The following MYO18A variants were observed in gnomAD, a reference collection of about 807,000 sequenced individuals.
MYO18A encodes unconventional myosin-XVIIIa.
MYO18A carries 78 observed loss-of-function variants against 235.8 expected under a neutral mutation model. That is an observed-to-expected ratio of 0.33 (90% CI 0.28 to 0.40). MYO18A has a LOEUF of 0.40. Among genes scored for constraint, MYO18A ranks in the 10% least tolerant of loss-of-function variants. MYO18A has a pLI of 1.00. For synonymous variants in MYO18A, 977 were observed against 1,077.8 expected (o/e 0.91, Z 1.83); for missense variants, 2,215 against 2,699.3 (o/e 0.82, Z 3.98).
Position 29,136,191 on chromosome 17 carries a change from T to C in MYO18A, c.1000-13938A>G, listed in dbSNP as rs534149832. Among the ~76,000 whole-genome samples the C allele has an allele frequency of 4.9e-5, 7 of 143,974 alleles. No homozygotes were observed. In the South Asian group the frequency reaches 1.5e-3, roughly 31 times the overall value. The allele number at this position is 143,974 out of a possible 152,430, so 94.5% of individuals were successfully genotyped here. On this transcript the variant is annotated intron_variant, in intron 2 of 41. Transcript: ENST00000527372. ...TTGTAGTGAGCAGAGATCGCAATAC[T>C]GCATGCTCCAGCCTGGGTGACCGAG...
At chr17:29,096,963 G>A (rs1244153530) in intron 27 of MYO18A, 48 bp from the exon 28 acceptor site, 1 of 1,489,864 alleles carries the variant, frequency 6.7e-7, no homozygotes, top group Non-Finnish European at 8.9e-7. Flanking sequence ...AGAAGCATAG[G>A]TGGAGAAGGT....
chr17:29,099,911 G>A, intron 21 of MYO18A, 149 bp from the exon 22 acceptor site: 2 of 1,185,248 alleles, frequency 1.7e-6, no homozygotes, highest in African/African-American at 3.1e-5. Flanking sequence ...TCCAAGAGAG[G>A]AGGGGAGGAG....
intron 2 of MYO18A, among the ~76,000 whole-genome samples, chr17:29,144,779 T>C (rs1330050666): frequency 6.6e-6 from 1 of 152,180 alleles, no homozygotes; most frequent in African/African-American, 2.4e-5. Context: ...TTATACTCAA[T>C]ATGGTGCTCT....
At chr17:29,116,498 G>GGA (rs747713508) in intron 10 of MYO18A, 43 bp from the exon 11 acceptor site, 1 of 1,613,762 alleles carries the variant, frequency 6.2e-7, no homozygotes, top group South Asian at 1.1e-5. Context: ...AAGAAAAACA[G>GGA]TGTGTTAGCA....
At chr17:29,160,180 C>T (rs2068143286) in intron 2 of MYO18A, among the ~76,000 whole-genome samples, 1 of 152,208 alleles carries the variant, frequency 6.6e-6, no homozygotes, top group African/African-American at 2.4e-5. Flanking sequence ...CTAACATAAA[C>T]ATGCTTACCT....
chr17:29,114,080 C>T lies in MYO18A; in HGVS notation c.2529G>A (p.Ala843=), dbSNP rs771860675. The change falls in exon 15 of 42, where the codon GCG becomes GCA. Residue 843 remains alanine (A), a synonymous_variant. Transcript: ENST00000527372. ...CCGTCGGGGGTTCCAAGTCGTCAAA[C>T]GCCAGCTCGATGTTCTCCTGGGAAA... is the stretch of plus-strand genomic sequence containing the variant. ...ERYKEENIEL[A]FDDLEPPTDD... 14 of 1,599,306 alleles carry T rather than the reference C, an allele frequency of 8.8e-6. No homozygotes were observed. The highest frequency in any genetic ancestry group is 4.6e-5 in the East Asian group (2 of 43,938).
At chr17:29,133,745 T>C in intron 2 of MYO18A, 1 of 1,249,950 alleles carries the variant, frequency 8.0e-7, no homozygotes, top group Non-Finnish European at 1.0e-6. Context: ...TGCCTGCAGA[T>C]ACAACATGCC....
rs1238296643 is a variant in MYO18A at position 29,098,131 on chromosome 17, C to T, written c.3964G>A (p.Ala1322Thr). The stretch of plus-strand genomic sequence containing the variant: ...TGCAGTTCCTTCATCTCCTTCTCAG[C>T]CCGGAGCCTCTCTGCTGTCTCCGCG... The part of the protein sequence containing the change: ...LDAETAERLR[A>T]EKEMKELQTQ... Residue 1322 changes from alanine to threonine, a missense_variant, in exon 25 of 42, where the codon GCT becomes ACT. Transcript: ENST00000527372. 1.2e-6 allele frequency: 2 copies of T among 1,613,648 alleles called. No individual in the cohort carries two copies. Among genetic ancestry groups the T allele is most frequent in the South Asian group, 1.1e-5 (1 of 91,094 alleles).
intron 20 of MYO18A, among the ~76,000 whole-genome samples, chr17:29,105,740 C>A (rs1005097276): frequency 1.3e-5 from 2 of 152,178 alleles, no homozygotes; most frequent in Non-Finnish European, 2.9e-5. Flanking sequence ...GACAGGAAGC[C>A]TGGAGTCACG....
intron 2 of MYO18A, among the ~76,000 whole-genome samples, chr17:29,139,438 G>GCATA (rs1195288595): frequency 6.6e-6 from 1 of 152,140 alleles, no homozygotes; most frequent in Non-Finnish European, 1.5e-5. Flanking sequence ...CCACCCCCGG[G>GCATA]CATACTGCCC....
At chr17:29,146,227 C>T (rs1464807989) in intron 2 of MYO18A, among the ~76,000 whole-genome samples, 2 of 151,914 alleles carry the variant, frequency 1.3e-5, no homozygotes, top group East Asian at 3.8e-4. Flanking sequence ...CACTGCACTC[C>T]AGCCCGGGCG....
chr17:29,127,975 G>A, intron 2 of MYO18A: 1 of 1,004,098 alleles, frequency 1.0e-6, no homozygotes, highest in Non-Finnish European at 1.2e-6. Context: ...GCTTCTTTGG[G>A]GCTTCAGGCT....
intron 34 of MYO18A, among the ~76,000 whole-genome samples, chr17:29,092,042 A>C (rs1224805451): frequency 6.6e-6 from 1 of 152,208 alleles, no homozygotes; most frequent in African/African-American, 2.4e-5. Flanking sequence ...TCCCTCAGCC[A>C]CATTAGCTGC....
rs1015197816 is a variant in MYO18A at position 29,072,515 on chromosome 17, A to T, written c.*2255T>A. ...TGCATTCCAGCTTGGGCGACATAGC[A>T]AGACTCTGTCTCCAAAAGACAAGTA... On this transcript the variant is annotated 3_prime_UTR_variant, in exon 42 of 42. Coordinates refer to ENST00000527372, the MANE Select transcript of MYO18A (RefSeq NM_078471.4). 1 of 152,256 alleles carries T rather than the reference A, an allele frequency of 6.6e-6. No homozygotes were observed. 9.4% of individuals were successfully genotyped at this position (152,256 alleles called of 1,614,324 possible).
intron 34 of MYO18A, chr17:29,091,397 T>TG: frequency 3.0e-6 from 1 of 334,444 alleles, no homozygotes; most frequent in Admixed American, 4.0e-5. Context: ...GTCCCCTCCT[T>TG]GGGGGAGGGG....
intron 2 of MYO18A, among the ~76,000 whole-genome samples, chr17:29,151,796 G>T (rs975767661): frequency 1.3e-5 from 2 of 152,224 alleles, no homozygotes; most frequent in Non-Finnish European, 2.9e-5. Flanking sequence ...AGAATCAGAA[G>T]TCCCAACAGA....
chr17:29,113,094 A>G (rs982936337), intron 15 of MYO18A, among the ~76,000 whole-genome samples: 7 of 152,170 alleles, frequency 4.6e-5, no homozygotes. Flanking sequence ...GGGAACCACA[A>G]CGGTTCTGAG....
rs887995317 is a variant in MYO18A, at chr17:29,074,969, C to T, written c.6021-55G>A. 9.4e-6 allele frequency: 15 copies of T among 1,600,670 alleles called. No individual in the cohort carries two copies. Among genetic ancestry groups the T allele is most frequent in the African/African-American group, 4.0e-5 (3 of 74,862 alleles). ...CAAATGACACTCCTACCATTAAGCA[C>T]GCACGCCTTTGGTTCTGGAGGCCCA... On this transcript the variant is annotated intron_variant, in intron 41 of 41. Coordinates refer to ENST00000527372, the MANE Select transcript of MYO18A (RefSeq NM_078471.4). This position sits in a 1 kb window ranked among gnomAD's most constrained non-coding sequence, Gnocchi z 4.4.
rs1174319189 is a variant in MYO18A at position 29,106,924 on chromosome 17, T to C, written c.3441+156A>G. Among the ~76,000 whole-genome samples, 3 of 152,026 alleles carry C rather than the reference T, an allele frequency of 2.0e-5. No homozygotes were observed. Among genetic ancestry groups the C allele is most frequent in the Non-Finnish European group, 4.4e-5 (3 of 67,984 alleles). On this transcript the variant is annotated intron_variant, in intron 20 of 41. Coordinates refer to ENST00000527372, the MANE Select transcript of MYO18A (RefSeq NM_078471.4). This position sits in a 1 kb window ranked among gnomAD's most constrained non-coding sequence, Gnocchi z 4.6. ...GGTGGCTCTTCTCCAGCTCCTATGGTCTGGGCCCCAGGACACAGCTGGGTG... is the reference window on the plus strand; with the variant it reads ...GGTGGCTCTTCTCCAGCTCCTATGGCCTGGGCCCCAGGACACAGCTGGGTG...
Sources: gnomAD v4.1 joint callset for allele counts (sites outside exome capture counted in the v4.1 genomes callset) on GRCh38, gnomAD v4.1.1 for gene constraint, Gnocchi (gnomAD v3.1) non-coding constraint, MANE v1.5 for transcripts, NCBI Gene and HGNC (gene_info 2026-07-23, HGNC 2026-07-21) for gene names.